TNRC6B: variants seen among roughly 807,000 people sequenced by gnomAD.
TNRC6B encodes the protein trinucleotide repeat-containing gene 6B protein.
In TNRC6B, 52 loss-of-function variants were observed where a neutral mutation model predicts 203.6. That is an observed-to-expected ratio of 0.26 (90% CI 0.20 to 0.32). TNRC6B has a LOEUF of 0.32. Among genes scored for constraint, TNRC6B ranks in the 10% least tolerant of loss-of-function variants. The pLI is 1.00. For missense variants in TNRC6B, 1,923 were observed against 2,286.2 expected, an observed-to-expected ratio of 0.84 and a Z score of 3.24; for synonymous variants, 838 against 845.7, an observed-to-expected ratio of 0.99 and a Z score of 0.16.
At chr22:40,276,635 T>C (rs944360488) in intron 7 of TNRC6B, among the ~76,000 whole-genome samples, 4 of 152,226 alleles carry the variant, frequency 2.6e-5, no homozygotes, top group South Asian at 4.1e-4. Context: ...GAGGAAGCAC[T>C]ATGAGTTCCT....
intron 1 of TNRC6B, among the ~76,000 whole-genome samples, chr22:40,223,510 G>A (rs564320466): frequency 3.9e-5 from 6 of 152,160 alleles, no homozygotes; most frequent in South Asian, 4.1e-4. Flanking sequence ...CTTTTCTTAC[G>A]TACATGATAT....
At chr22:40,320,118 A>G (rs2071315302) in intron 21 of TNRC6B, among the ~76,000 whole-genome samples, 1 of 152,198 alleles carries the variant, frequency 6.6e-6, no homozygotes, top group South Asian at 2.1e-4. Context: ...TTTTTAATCT[A>G]TTCAATAGTA....
chr22:40,305,912 TTTTC>T (rs1228404375), intron 15 of TNRC6B, among the ~76,000 whole-genome samples: 5 of 152,194 alleles, frequency 3.3e-5, no homozygotes, highest in African/African-American at 9.6e-5. Flanking sequence ...TTTTTCGCTT[TTTTC>T]TTTCTTTGCC....
chr22:40,204,037 TAAAAG>T (rs1303898880), intron 1 of TNRC6B, among the ~76,000 whole-genome samples: 1 of 152,202 alleles, frequency 6.6e-6, no homozygotes, highest in Non-Finnish European at 1.5e-5. Context: ...TCTTAATAAA[TAAAAG>T]CGAATCAAAA....
chr22:40,199,974 T>G (rs1208218861), intron 1 of TNRC6B, among the ~76,000 whole-genome samples: 1 of 152,078 alleles, frequency 6.6e-6, no homozygotes, highest in Non-Finnish European at 1.5e-5. Flanking sequence ...AATTTTTGTA[T>G]TTTTAATAGA....
At chr22:40,206,341 A>G (rs1268829528) in intron 1 of TNRC6B, among the ~76,000 whole-genome samples, 1 of 152,176 alleles carries the variant, frequency 6.6e-6, no homozygotes, top group Non-Finnish European at 1.5e-5. Context: ...TTAAAAGTAT[A>G]CCATTATAGT....
Position 40,328,001 on chromosome 22 carries a change from C to T in TNRC6B, c.*4760C>T, listed in dbSNP as rs988221570. ...AGAGAAAGGGGTGTCTCACACCAGA[C>T]AGAGGACCTCTGCTGTCAATTAGAT... On this transcript the variant is annotated 3_prime_UTR_variant, in exon 23 of 23. Transcript: ENST00000454349. The T allele has an allele frequency of 1.3e-5, 2 of 152,168 alleles. No individual in the cohort carries two copies. The highest frequency in any genetic ancestry group is 2.9e-5 in the Non-Finnish European group (2 of 68,048). 9.4% of individuals were successfully genotyped at this position (152,168 alleles called of 1,614,324 possible). A position where few individuals can be genotyped will look rare whatever the true frequency, so the allele number is the denominator to read the frequency against.
At chr22:40,089,755 A>G (rs975407794) in intron 1 of TNRC6B, among the ~76,000 whole-genome samples, 3 of 152,148 alleles carry the variant, frequency 2.0e-5, no homozygotes, top group African/African-American at 4.8e-5. Flanking sequence ...TGCACATTCT[A>G]TGGGTTTGGA....
At chr22:40,256,383 C>G (rs1305396770) in intron 3 of TNRC6B, among the ~76,000 whole-genome samples, 2 of 152,112 alleles carry the variant, frequency 1.3e-5, no homozygotes, top group Admixed American at 1.3e-4. Context: ...CTACTTATGG[C>G]CAAATTCATT....
chr22:40,077,163 A>G (rs1039547188), intron 1 of TNRC6B, among the ~76,000 whole-genome samples: 1 of 151,716 alleles, frequency 6.6e-6, no homozygotes, highest in Non-Finnish European at 1.5e-5. Flanking sequence ...TGCCTTGGAA[A>G]CCCAGCTTCC....
chr22:40,105,965 C>A (rs145758621), intron 1 of TNRC6B, among the ~76,000 whole-genome samples: 2 of 152,250 alleles, frequency 1.3e-5, no homozygotes, highest in African/African-American at 4.8e-5. Context: ...TGTTTTTAGC[C>A]ATTGTGGTAT....
chr22:40,332,466 C>G lies in TNRC6B; in HGVS notation c.*9225C>G, dbSNP rs2043992657. ...ATCATAGCGCCTGCATTGCTCTGGT[C>G]TAGGCATTATTTGCAACACACAGTA... On this transcript the variant is annotated 3_prime_UTR_variant, in exon 23 of 23. Coordinates refer to ENST00000454349, the MANE Select transcript of TNRC6B (RefSeq NM_001162501.2). 6.6e-6 allele frequency: 1 copy of G among 152,602 alleles called. No homozygotes were observed. Among genetic ancestry groups the G allele is most frequent in the Admixed American group, 6.5e-5 (1 of 15,274 alleles). 9.5% of individuals were successfully genotyped at this position (152,602 alleles called of 1,614,324 possible).
intron 19 of TNRC6B, among the ~76,000 whole-genome samples, chr22:40,314,200 T>C (rs2071226462): frequency 6.6e-6 from 1 of 152,088 alleles, no homozygotes; most frequent in Non-Finnish European, 1.5e-5. Context: ...CCCAAAAGTG[T>C]CTTTCCTTCT....
chr22:40,106,766 C>G (rs1397688123), intron 1 of TNRC6B: 2 of 801,346 alleles, frequency 2.5e-6, no homozygotes, highest in Non-Finnish European at 4.4e-6. Flanking sequence ...TGGGCTTACC[C>G]CATTGATACC....
At chr22:40,132,258 C>T (rs372142135) in intron 3 of TNRC6B, among the ~76,000 whole-genome samples, 13 of 152,120 alleles carry the variant, frequency 8.5e-5, no homozygotes, top group African/African-American at 2.9e-4. Context: ...CCCAGCTACT[C>T]GGGAGGCTGA....
chr22:40,170,623 A>T (rs1195124839), intron 4 of TNRC6B, among the ~76,000 whole-genome samples: 1 of 127,138 alleles, frequency 7.9e-6, no homozygotes, highest in Non-Finnish European at 1.6e-5. Flanking sequence ...CTATACATAC[A>T]TATATGAACA....
At chr22:40,109,611 TA>T (rs1275219156) in intron 1 of TNRC6B, among the ~76,000 whole-genome samples, 2 of 152,236 alleles carry the variant, frequency 1.3e-5, no homozygotes, top group African/African-American at 4.8e-5. Flanking sequence ...TAATTTTTAG[TA>T]TGGCAAATAT....
At chr22:40,268,916 A>AAAAAAAAAAATAATAAT in intron 5 of TNRC6B, among the ~76,000 whole-genome samples, 1 of 148,758 alleles carries the variant, frequency 6.7e-6, no homozygotes, top group African/African-American at 2.5e-5. Context: ...CCGTCTCAAA[A>AAAAAAAAAAATAATAAT]AATAATAATA....
chr22:40,104,264 A>C (rs2146307486), intron 1 of TNRC6B, among the ~76,000 whole-genome samples: 1 of 152,116 alleles, frequency 6.6e-6, no homozygotes, highest in Non-Finnish European at 1.5e-5. Flanking sequence ...GAAGAAAAAA[A>C]ATGGTTTTCA....
Sources: allele counts gnomAD v4.1 joint callset (sites outside exome capture counted in the v4.1 genomes callset), GRCh38; gene constraint gnomAD v4.1.1; transcripts MANE v1.5; gene names NCBI Gene and HGNC (gene_info 2026-07-23, HGNC 2026-07-21).